The following BICD1 variants were observed in gnomAD, a reference collection of about 807,000 sequenced individuals.
BICD1 encodes the protein protein bicaudal D homolog 1.
A neutral mutation model predicts 92.5 loss-of-function variants in BICD1; 35 were observed. The observed-to-expected ratio is 0.38, with a 90% CI of 0.29 to 0.50. BICD1 has a LOEUF of 0.50. Ranked by LOEUF, BICD1 falls within the 20% of genes least tolerant of loss-of-function variation. BICD1 has a pLI of 0.93. For synonymous variants in BICD1, 429 were observed against 465.1 expected (o/e 0.92, Z 1.00); for missense variants, 950 against 1,189.8 (o/e 0.80, Z 2.97).
chr12:32,236,239 A>G (rs1466727013), intron 2 of BICD1, among the ~76,000 whole-genome samples: 1 of 151,400 alleles, frequency 6.6e-6, no homozygotes, highest in African/African-American at 2.4e-5. Flanking sequence ...CTAAAAATAC[A>G]AAAAAATTAG....
intron 4 of BICD1, among the ~76,000 whole-genome samples, chr12:32,307,475 T>C (rs1193866551): frequency 6.6e-6 from 1 of 152,186 alleles, no homozygotes; most frequent in Admixed American, 6.6e-5. Flanking sequence ...ATTGTGGAGC[T>C]CCGTGTAGAT....
At position 32,240,860 on chromosome 12, in the gene BICD1, G is replaced by C. The variant is rs58646639; in HGVS notation, c.426+24401G>C. 2.8e-3 allele frequency among the ~76,000 whole-genome samples: 427 copies of C among 152,168 alleles called. 2 individuals carry two copies. The highest frequency in any genetic ancestry group is 9.8e-3 in the African/African-American group (408 of 41,518). ...CTTTATTATATCTCATTCTATTTGG[G>C]GCACTTGCTATTAGAACAAAGAGAG... On this transcript the variant is annotated intron_variant, in intron 2 of 9. Coordinates refer to ENST00000652176, the MANE Select transcript of BICD1 (RefSeq NM_001714.4).
chr12:32,262,843 G>A (rs1186893926), intron 2 of BICD1, among the ~76,000 whole-genome samples: 1 of 152,178 alleles, frequency 6.6e-6, no homozygotes, highest in Non-Finnish European at 1.5e-5. Context: ...AAACTCTGCT[G>A]TTTAAACCAC....
intron 1 of BICD1, among the ~76,000 whole-genome samples, chr12:32,183,773 T>C (rs1162664974): frequency 6.6e-6 from 1 of 152,184 alleles, no homozygotes; most frequent in Non-Finnish European, 1.5e-5. Context: ...GAAGGCCAAC[T>C]GGGAGAGTCA....
chr12:32,303,037 T>C (rs1327328485), intron 3 of BICD1, among the ~76,000 whole-genome samples: 1 of 142,046 alleles, frequency 7.0e-6, no homozygotes. Flanking sequence ...TGGGCCCGAG[T>C]GATCCTCCCA....
intron 2 of BICD1, among the ~76,000 whole-genome samples, chr12:32,293,283 A>G (rs931470463): frequency 6.6e-6 from 1 of 152,178 alleles, no homozygotes; most frequent in Non-Finnish European, 1.5e-5. Context: ...TATTGTGACT[A>G]CATTTCCATT....
At chr12:32,301,320 G>C (rs972954644) in intron 3 of BICD1, among the ~76,000 whole-genome samples, 6 of 152,108 alleles carry the variant, frequency 3.9e-5, no homozygotes, top group African/African-American at 1.2e-4. Context: ...TAGTTGAAAT[G>C]CAGTCAGTCA....
intron 1 of BICD1, among the ~76,000 whole-genome samples, chr12:32,176,887 C>G (rs1215928033): frequency 6.6e-6 from 1 of 151,742 alleles, no homozygotes; most frequent in Non-Finnish European, 1.5e-5. Context: ...ATTTATATAC[C>G]AGTCTTTTTG....
chr12:32,222,886 A>G (rs971320286), intron 2 of BICD1, among the ~76,000 whole-genome samples: 5 of 152,328 alleles, frequency 3.3e-5, no homozygotes, highest in Admixed American at 6.5e-5. Flanking sequence ...CTCTCACCAG[A>G]CACTGAACCT....
At chr12:32,151,093 G>A (rs1307286909) in intron 1 of BICD1, among the ~76,000 whole-genome samples, 1 of 152,204 alleles carries the variant, frequency 6.6e-6, no homozygotes, top group African/African-American at 2.4e-5. Context: ...GATGGTAGCA[G>A]ACAGGGTTGC....
chr12:32,335,125 A>G (rs1447326445), intron 6 of BICD1, among the ~76,000 whole-genome samples: 1 of 151,996 alleles, frequency 6.6e-6, no homozygotes, highest in Non-Finnish European at 1.5e-5. Flanking sequence ...ATGAAGATTA[A>G]TAATCATCAC....
intron 1 of BICD1, among the ~76,000 whole-genome samples, chr12:32,165,854 A>G (rs1294337091): frequency 6.6e-6 from 1 of 152,144 alleles, no homozygotes; most frequent in Non-Finnish European, 1.5e-5. Context: ...ACAATGCAGA[A>G]CACCTCAAAA....
chr12:32,274,361 GA>G (rs1475633208), intron 2 of BICD1, among the ~76,000 whole-genome samples: 1 of 152,078 alleles, frequency 6.6e-6, no homozygotes, highest in East Asian at 1.9e-4. Context: ...TACAGAACAG[GA>G]AAGATTCTGG....
chr12:32,143,720 G>T (rs188657580), intron 1 of BICD1, among the ~76,000 whole-genome samples: 1 of 152,218 alleles, frequency 6.6e-6, no homozygotes, highest in Admixed American at 6.5e-5. Context: ...CAACCTGCCT[G>T]TATTTTCCAA....
chr12:32,306,889 G>A (rs1053123950), intron 4 of BICD1, among the ~76,000 whole-genome samples: 2 of 73,330 alleles, frequency 2.7e-5, no homozygotes, highest in African/African-American at 9.6e-5. Context: ...GGTGGTGGGT[G>A]CCTGTAATCC....
At chr12:32,306,234 T>TTCTTC in intron 4 of BICD1, 112 bp downstream of exon 4, 1 of 1,105,694 alleles carries the variant, frequency 9.0e-7, no homozygotes, top group Non-Finnish European at 1.3e-6. Flanking sequence ...CTTTTTTCTT[T>TTCTTC]TCTTCTCTTT....
chr12:32,310,052 G>C, intron 4 of BICD1, among the ~76,000 whole-genome samples: 1 of 152,192 alleles, frequency 6.6e-6, no homozygotes, highest in Non-Finnish European at 1.5e-5. Flanking sequence ...GCTCATGACA[G>C]TGTAGAGGGG....
chr12:32,370,635 TAC>T (rs770016336), intron 9 of BICD1, among the ~76,000 whole-genome samples: 1 of 152,206 alleles, frequency 6.6e-6, no homozygotes, highest in Non-Finnish European at 1.5e-5. Context: ...CCACTTCTAA[TAC>T]CCACTGGTTG....
At chr12:32,147,567 A>AT (rs1436782384) in intron 1 of BICD1, among the ~76,000 whole-genome samples, 1 of 152,186 alleles carries the variant, frequency 6.6e-6, no homozygotes, top group Non-Finnish European at 1.5e-5. Flanking sequence ...TGCTCACTTA[A>AT]TTTTTTAAAA....
Sources: gnomAD v4.1 joint callset for allele counts (sites outside exome capture counted in the v4.1 genomes callset) on GRCh38, gnomAD v4.1.1 for gene constraint, MANE v1.5 for transcripts, NCBI Gene and HGNC (gene_info 2026-07-23, HGNC 2026-07-21) for gene names.